Variants in SSBP2 observed in about 807,000 individuals in gnomAD.
The protein encoded by SSBP2 is single stranded DNA binding protein 2, also known as single-stranded DNA-binding protein 2.
A neutral mutation model predicts 61.8 loss-of-function variants in SSBP2; 17 were observed. The ratio of observed to expected loss-of-function variants is 0.28; its 90% confidence interval spans 0.19 to 0.41. The LOEUF (loss-of-function observed/expected upper bound fraction) is 0.41, where lower values mean the gene tolerates loss of function less well. Ranked by LOEUF, SSBP2 falls within the 10% of genes least tolerant of loss-of-function variation. The probability of loss-of-function intolerance (pLI) is 1.00; values close to 1 mark genes in which losing one functional copy is unlikely to be tolerated. For synonymous variants in SSBP2, 139 were observed against 141.3 expected, an observed-to-expected ratio of 0.98 and a Z score of 0.12; for missense variants, 310 against 458.7, an observed-to-expected ratio of 0.68 and a Z score of 2.96.
intron 1 of SSBP2, among the ~76,000 whole-genome samples, chr5:81,750,194 C>T (rs1757635769): frequency 6.6e-6 from 1 of 151,698 alleles, no homozygotes; most frequent in African/African-American, 2.4e-5. Context: ...GGAACTCGGT[C>T]CCTCTCCGAC....
intron 4 of SSBP2, among the ~76,000 whole-genome samples, chr5:81,597,790 T>G (rs1413530435): frequency 7.3e-6 from 1 of 137,436 alleles, no homozygotes; most frequent in Admixed American, 8.4e-5. Flanking sequence ...TTCTCACTCA[T>G]AGGTGGGAAA....
intron 1 of SSBP2, among the ~76,000 whole-genome samples, chr5:81,701,619 A>G (rs1753988783): frequency 6.6e-6 from 1 of 152,236 alleles, no homozygotes; most frequent in Admixed American, 6.5e-5. Context: ...AGATGTCTCA[A>G]ATAAAATGAG....
At chr5:81,567,932 C>T (rs1439200876) in intron 4 of SSBP2, among the ~76,000 whole-genome samples, 1 of 152,130 alleles carries the variant, frequency 6.6e-6, no homozygotes, top group Non-Finnish European at 1.5e-5. Flanking sequence ...GTCTGTACCC[C>T]CTGTATCTAG....
At chr5:81,433,566 C>T (rs10058208) in intron 15 of SSBP2, among the ~76,000 whole-genome samples, 145,490 of 145,498 alleles carry the variant, frequency 1, 72,741 homozygotes, top group Non-Finnish European at 1. Flanking sequence ...AATCCCCCTC[C>T]GCGAGAAACA....
chr5:81,460,827 G>T (rs1764485788), intron 10 of SSBP2, among the ~76,000 whole-genome samples: 1 of 151,926 alleles, frequency 6.6e-6, no homozygotes, highest in African/African-American at 2.4e-5. Flanking sequence ...TGAAAGTCTT[G>T]TTGACAATAG....
chr5:81,559,289 T>A (rs6866154), intron 4 of SSBP2, among the ~76,000 whole-genome samples: 69,753 of 150,504 alleles, frequency 0.46, 20,660 homozygotes, highest in African/African-American at 0.85. Context: ...CAGGAGGCTG[T>A]GTCAGGAGAA....
At chr5:81,651,313 C>T (rs75802477) in intron 1 of SSBP2, among the ~76,000 whole-genome samples, 67 of 152,142 alleles carry the variant, frequency 4.4e-4, no homozygotes, top group African/African-American at 1.5e-3. Context: ...AGCAGATTTT[C>T]GACTGTTAAA....
chr5:81,581,425 G>C (rs919545209), intron 4 of SSBP2, among the ~76,000 whole-genome samples: 1 of 152,110 alleles, frequency 6.6e-6, no homozygotes, highest in African/African-American at 2.4e-5. Context: ...TTTTGTGAAG[G>C]CTGTATCATG....
intron 4 of SSBP2, among the ~76,000 whole-genome samples, chr5:81,533,673 C>T (rs533399638): frequency 9.3e-4 from 142 of 152,106 alleles, no homozygotes; most frequent in African/African-American, 3.2e-3. Context: ...ACCACTGCCC[C>T]CAAAACTGGA....
At chr5:81,747,427 G>C (rs1031047604) in intron 1 of SSBP2, among the ~76,000 whole-genome samples, 5 of 152,002 alleles carry the variant, frequency 3.3e-5, no homozygotes, top group African/African-American at 1.2e-4. Context: ...CAACTGTCTT[G>C]TAGATTTGTT....
chr5:81,603,423 C>T (rs756852828), intron 4 of SSBP2, among the ~76,000 whole-genome samples: 41 of 152,174 alleles, frequency 2.7e-4, no homozygotes, highest in Non-Finnish European at 5.1e-4. Flanking sequence ...AAGGCTTCTT[C>T]TGACCCAGCC....
intron 4 of SSBP2, among the ~76,000 whole-genome samples, chr5:81,559,835 T>C (rs929651690): frequency 2.6e-5 from 4 of 152,004 alleles, no homozygotes; most frequent in Non-Finnish European, 5.9e-5. Context: ...AAAACAGTGA[T>C]TTAGCATAAT....
At chr5:81,624,260 C>G (rs1043456265) in intron 3 of SSBP2, among the ~76,000 whole-genome samples, 6 of 152,118 alleles carry the variant, frequency 3.9e-5, no homozygotes, top group African/African-American at 7.2e-5. Context: ...CATGCCCCAT[C>G]TATTTTATTA....
chr5:81,468,362 T>A (rs950940990), intron 8 of SSBP2, among the ~76,000 whole-genome samples: 2 of 151,992 alleles, frequency 1.3e-5, no homozygotes, highest in Non-Finnish European at 2.9e-5. Context: ...ATTTAGTCTC[T>A]CCTGCTCCCA....
At position 81,413,259 on chromosome 5, in the gene SSBP2, A is replaced by G. The variant is rs1300259169; in HGVS notation, c.*7245T>C. On this transcript the variant is annotated 3_prime_UTR_variant, in exon 17 of 17. Transcript: ENST00000320672. ...TACAAAAACACTAAATTATAAATCC[A>G]TTTGAGAATAAATGCAGTAATGTGC... 1.3e-5 allele frequency: 2 copies of G among 152,248 alleles called. No individual in the cohort carries two copies. Among genetic ancestry groups the G allele is most frequent in the Non-Finnish European group, 2.9e-5 (2 of 68,036 alleles). 9.4% of individuals were successfully genotyped at this position (152,248 alleles called of 1,614,324 possible).
At chr5:81,531,226 C>T (rs1770375125) in intron 4 of SSBP2, among the ~76,000 whole-genome samples, 1 of 114,468 alleles carries the variant, frequency 8.7e-6, no homozygotes, top group African/African-American at 4.0e-5. Context: ...AAGACCCTGT[C>T]TGGAAAAAAA....
At chr5:81,422,600 A>C (rs1358781260) in intron 16 of SSBP2, among the ~76,000 whole-genome samples, 1 of 152,184 alleles carries the variant, frequency 6.6e-6, no homozygotes, top group Non-Finnish European at 1.5e-5. Context: ...ACTTGAACTG[A>C]TCCTGTATGT....
At chr5:81,651,367 G>A (rs1749713000) in intron 1 of SSBP2, among the ~76,000 whole-genome samples, 1 of 152,070 alleles carries the variant, frequency 6.6e-6, no homozygotes. Flanking sequence ...TTATTTTCAT[G>A]AAAACATATC....
intron 2 of SSBP2, among the ~76,000 whole-genome samples, chr5:81,641,372 T>C (rs1748769945): frequency 6.6e-6 from 1 of 152,228 alleles, no homozygotes; most frequent in African/African-American, 2.4e-5. Flanking sequence ...ATCACATATA[T>C]CATCATTTCA....
Sources: gnomAD v4.1 joint callset for allele counts (sites outside exome capture counted in the v4.1 genomes callset) on GRCh38, gnomAD v4.1.1 for gene constraint, MANE v1.5 for transcripts, NCBI Gene and HGNC (gene_info 2026-07-23, HGNC 2026-07-21) for gene names.